Variants in CEP162 observed in about 807,000 individuals in gnomAD.
The protein encoded by CEP162 is centrosomal protein of 162 kDa.
CEP162 carries 141 observed loss-of-function variants against 169.2 expected under a neutral mutation model. The ratio of observed to expected loss-of-function variants is 0.83; its 90% CI spans 0.73 to 0.96. The LOEUF is 0.96. Ranked by LOEUF, CEP162 falls within the 40% of genes least tolerant of loss-of-function variation. The pLI is 0.00. For synonymous variants in CEP162, 540 were observed against 526.4 expected, an observed-to-expected ratio of 1.03 and a Z score of -0.35; for missense variants, 1,600 against 1,587.2, an observed-to-expected ratio of 1.01 and a Z score of -0.14.
chr6:84,207,753 G>A (rs1454232040), intron 6 of CEP162, among the ~76,000 whole-genome samples: 1 of 151,872 alleles, frequency 6.6e-6, no homozygotes, highest in Non-Finnish European at 1.5e-5. Flanking sequence ...CATTTAATGA[G>A]AGTTCAATTT....
At chr6:84,150,657 T>A (rs1319079575) in intron 23 of CEP162, among the ~76,000 whole-genome samples, 1 of 152,154 alleles carries the variant, frequency 6.6e-6, no homozygotes, top group African/African-American at 2.4e-5. Flanking sequence ...TATTAACAAA[T>A]TTTAAATGAT....
At chr6:84,178,902 C>T (rs998416431) in intron 13 of CEP162, among the ~76,000 whole-genome samples, 1 of 152,080 alleles carries the variant, frequency 6.6e-6, no homozygotes, top group Non-Finnish European at 1.5e-5. Context: ...TGAGTGAGAA[C>T]ATGCAGTGTT....
At chr6:84,201,648 CAGAT>C in intron 8 of CEP162, 85 bp downstream of exon 8, 2 of 658,524 alleles carry the variant, frequency 3.0e-6, no homozygotes, top group Non-Finnish European at 5.3e-6. Flanking sequence ...AAAACAAACA[CAGAT>C]AGTGACTCAT....
In CEP162 at chr6:84,124,899, T is replaced by G; in HGVS notation, c.*171A>C. ...TGATTTTTAGTAAAATACACCATTATATGTTTTTTTTCTTATTGGTTAAAG... is the reference window on the plus strand; with the variant it reads ...TGATTTTTAGTAAAATACACCATTAGATGTTTTTTTTCTTATTGGTTAAAG... On this transcript the variant is annotated 3_prime_UTR_variant, in exon 27 of 27. Transcript: ENST00000403245. 1 of 629,668 alleles carries G rather than the reference T, an allele frequency of 1.6e-6. No individual in the cohort carries two copies. The highest frequency in any genetic ancestry group is 2.8e-6 in the Non-Finnish European group (1 of 363,134). 39.0% of individuals were successfully genotyped at this position (629,668 alleles called of 1,614,324 possible). A position where few individuals can be genotyped will look rare whatever the true frequency, so the allele number is the denominator to read the frequency against.
At chr6:84,188,760 T>C (rs1360391212) in intron 11 of CEP162, among the ~76,000 whole-genome samples, 2 of 152,200 alleles carry the variant, frequency 1.3e-5, no homozygotes, top group East Asian at 1.9e-4. Context: ...AATGATGAGA[T>C]TGCCGGGTGA....
chr6:84,178,798 A>G (rs1032729239), intron 13 of CEP162, among the ~76,000 whole-genome samples: 1 of 152,034 alleles, frequency 6.6e-6, no homozygotes, highest in Middle Eastern at 3.2e-3. Flanking sequence ...TCCTAATGCT[A>G]TACCTCCCCG....
intron 4 of CEP162, 53 bp downstream of exon 4, chr6:84,215,723 A>T (rs1330514592): frequency 1.4e-5 from 22 of 1,525,496 alleles, no homozygotes; most frequent in Non-Finnish European, 1.9e-5. Flanking sequence ...GTAATTCTGA[A>T]TATAAGCATA....
At chr6:84,212,509 AGG>A (rs1253792878) in intron 6 of CEP162, among the ~76,000 whole-genome samples, 12 of 151,882 alleles carry the variant, frequency 7.9e-5, no homozygotes, top group Non-Finnish European at 4.4e-5. Context: ...TGTGACTCAT[AGG>A]GCAACTAAGA....
chr6:84,201,427 T>G (rs2099544459), intron 8 of CEP162, among the ~76,000 whole-genome samples: 1 of 152,192 alleles, frequency 6.6e-6, no homozygotes. Flanking sequence ...TGTATGTATA[T>G]AACAAATATG....
At chr6:84,216,034 A>T (rs910686503) in intron 3 of CEP162, 112 bp from the exon 4 acceptor site, 2 of 1,279,426 alleles carry the variant, frequency 1.6e-6, no homozygotes, top group African/African-American at 3.1e-5. Flanking sequence ...GCTATAAAAT[A>T]AATCTGCTCT....
Position 84,152,970 on chromosome 6 carries a change from A to G in CEP162, c.3204T>C (p.Asp1068=), listed in dbSNP as rs759600833. ...GGAATTCTATAGACTGAAAATCTTC[A>G]TCATCTTTATCATTTTTCTTGACGT... ...ELDVKKNDKD[D]EDFQSIEFQV... is the part of the protein sequence containing the mutation. The change falls in exon 23 of 27, where the codon GAT becomes GAC. Residue 1068 remains aspartate (D), a synonymous_variant. Transcript: ENST00000403245. 2 of 1,613,540 alleles carry G rather than the reference A, an allele frequency of 1.2e-6. No homozygotes were observed. The highest frequency in any genetic ancestry group is 1.7e-6 in the Non-Finnish European group (2 of 1,179,740).
At chr6:84,169,046 CTA>C in intron 18 of CEP162, among the ~76,000 whole-genome samples, 1 of 152,222 alleles carries the variant, frequency 6.6e-6, no homozygotes, top group South Asian at 2.1e-4. Flanking sequence ...TGATATGGCT[CTA>C]TGATAAATGC....
At chr6:84,150,619 C>T (rs1482644426) in intron 23 of CEP162, among the ~76,000 whole-genome samples, 1 of 152,058 alleles carries the variant, frequency 6.6e-6, no homozygotes, top group Non-Finnish European at 1.5e-5. Flanking sequence ...TTCTCAGGCC[C>T]AGACTTATCT....
chr6:84,223,862 C>A (rs2099554699), intron 2 of CEP162, among the ~76,000 whole-genome samples: 2 of 151,684 alleles, frequency 1.3e-5, no homozygotes, highest in Non-Finnish European at 1.5e-5. Flanking sequence ...GCCAAGATTG[C>A]ACCACAGCAC....
At chr6:84,136,579 A>T (rs2099514182) in intron 25 of CEP162, among the ~76,000 whole-genome samples, 2 of 152,166 alleles carry the variant, frequency 1.3e-5, no homozygotes, top group Admixed American at 6.5e-5. Context: ...ATTATAGGCT[A>T]TATGTATCTG....
intron 7 of CEP162, among the ~76,000 whole-genome samples, chr6:84,202,116 C>G (rs112027607): frequency 3.3e-5 from 5 of 152,318 alleles, no homozygotes; most frequent in Admixed American, 3.3e-4. Context: ...CTATTTCACA[C>G]AAGAGTTCTG....
chr6:84,181,794 A>C (rs2099534949), intron 13 of CEP162, among the ~76,000 whole-genome samples: 1 of 152,152 alleles, frequency 6.6e-6, no homozygotes, highest in African/African-American at 2.4e-5. Context: ...AGAATATATT[A>C]AATGTATCTT....
chr6:84,208,437 T>C (rs1366867452), intron 6 of CEP162, among the ~76,000 whole-genome samples: 1 of 152,190 alleles, frequency 6.6e-6, no homozygotes, highest in Non-Finnish European at 1.5e-5. Flanking sequence ...GATGGCTTGA[T>C]GGGAAAAAGA....
At chr6:84,226,263 T>C in intron 2 of CEP162, 74 bp downstream of exon 2, 1 of 1,001,584 alleles carries the variant, frequency 1.0e-6, no homozygotes, top group Non-Finnish European at 1.5e-6. Context: ...AACTGTATCT[T>C]CGAGATGACA....
Sources: allele counts gnomAD v4.1 joint callset (sites outside exome capture counted in the v4.1 genomes callset), GRCh38; gene constraint gnomAD v4.1.1; transcripts MANE v1.5; gene names NCBI Gene and HGNC (gene_info 2026-07-23, HGNC 2026-07-21).